The following SLC39A11 variants were observed in gnomAD, a reference collection of about 807,000 sequenced individuals.
SLC39A11 encodes the protein solute carrier family 39 member 11, also known as zinc transporter ZIP11.
In SLC39A11, 33 loss-of-function variants were observed where a neutral mutation model predicts 36.1. The ratio of observed to expected loss-of-function variants is 0.91; its 90% CI spans 0.69 to 1.22. SLC39A11 has a LOEUF of 1.22. Ranked by LOEUF, SLC39A11 falls within the 50% of genes most tolerant of loss-of-function variation. SLC39A11 has a pLI of 0.00. For missense variants in SLC39A11, 432 were observed against 430.3 expected, an observed-to-expected ratio of 1.00 and a Z score of -0.03; for synonymous variants, 166 against 170.3, an observed-to-expected ratio of 0.97 and a Z score of 0.20.
intron 6 of SLC39A11, among the ~76,000 whole-genome samples, chr17:72,801,537 A>T (rs1429137273): frequency 6.6e-6 from 1 of 152,242 alleles, no homozygotes; most frequent in Non-Finnish European, 1.5e-5. Flanking sequence ...GGGCAATGAA[A>T]TATTCTTAAA....
At chr17:72,800,029 G>C (rs1275071416) in intron 6 of SLC39A11, among the ~76,000 whole-genome samples, 1 of 151,802 alleles carries the variant, frequency 6.6e-6, no homozygotes, top group Admixed American at 6.6e-5. Flanking sequence ...TCCTCTCTTT[G>C]TACTGTCTCT....
chr17:72,872,574 T>C (rs1050405258), intron 5 of SLC39A11, among the ~76,000 whole-genome samples: 2 of 152,192 alleles, frequency 1.3e-5, no homozygotes, highest in African/African-American at 2.4e-5. Flanking sequence ...ACATAGCTGA[T>C]CCATCTTGCT....
chr17:73,068,324 T>C, intron 3 of SLC39A11: 1 of 578,778 alleles, frequency 1.7e-6, no homozygotes, highest in Non-Finnish European at 3.1e-6. Flanking sequence ...TTTCTTGTTT[T>C]AGCCACTATG....
intron 6 of SLC39A11, among the ~76,000 whole-genome samples, chr17:72,777,153 T>C (rs1024796624): frequency 8.6e-5 from 13 of 151,990 alleles, no homozygotes; most frequent in Non-Finnish European, 2.9e-5. Context: ...AAAACAACAA[T>C]AACAAATCCC....
At chr17:72,871,304 C>T (rs1281151359) in intron 5 of SLC39A11, among the ~76,000 whole-genome samples, 1 of 152,034 alleles carries the variant, frequency 6.6e-6, no homozygotes, top group Non-Finnish European at 1.5e-5. Context: ...TCAGGCAATC[C>T]ACCCACCTCA....
At chr17:72,814,802 G>T (rs2077532663) in intron 6 of SLC39A11, among the ~76,000 whole-genome samples, 1 of 152,196 alleles carries the variant, frequency 6.6e-6, no homozygotes, top group Non-Finnish European at 1.5e-5. Flanking sequence ...ATATTTCCAT[G>T]AAGAGGCTCT....
In SLC39A11 at chr17:72,669,464, C is replaced by T. The variant is rs114208939; in HGVS notation, c.672-20196G>A. Reference sequence around the variant, plus strand: ...GCCAGCTATTTTGTAGAATGTCTCTCAAATTTGGGTTTCTCTGATATTTTC... The same window carrying T: ...GCCAGCTATTTTGTAGAATGTCTCTTAAATTTGGGTTTCTCTGATATTTTC... On this transcript the variant is annotated intron_variant, in intron 7 of 9. Transcript: ENST00000255559. Among the ~76,000 whole-genome samples the T allele has an allele frequency of 4.9e-3, 751 of 152,276 alleles. 11 individuals carry two copies. Among genetic ancestry groups the T allele is most frequent in the African/African-American group, 0.017 (717 of 41,568 alleles).
At chr17:72,856,961 G>C (rs571714502) in intron 5 of SLC39A11, among the ~76,000 whole-genome samples, 1 of 152,204 alleles carries the variant, frequency 6.6e-6, no homozygotes, top group Non-Finnish European at 1.5e-5. Flanking sequence ...GATTACAGGC[G>C]TAAGCCACCA....
intron 7 of SLC39A11, among the ~76,000 whole-genome samples, chr17:72,651,209 T>C (rs753791044): frequency 2.6e-5 from 4 of 152,116 alleles, no homozygotes; most frequent in Non-Finnish European, 4.4e-5. Context: ...AAGATTACAA[T>C]GAGCCCCTCA....
chr17:72,809,880 G>A (rs2077379287), intron 6 of SLC39A11, among the ~76,000 whole-genome samples: 1 of 151,922 alleles, frequency 6.6e-6, no homozygotes, highest in Non-Finnish European at 1.5e-5. Flanking sequence ...GACCAGCCTG[G>A]CCAACATGAA....
At chr17:72,879,776 C>T (rs1469618348) in intron 5 of SLC39A11, among the ~76,000 whole-genome samples, 2 of 152,222 alleles carry the variant, frequency 1.3e-5, no homozygotes, top group Admixed American at 1.3e-4. Flanking sequence ...ATCTCTCACC[C>T]TAGACCTTTT....
At chr17:72,890,902 A>G (rs1410361189) in intron 5 of SLC39A11, among the ~76,000 whole-genome samples, 1 of 152,162 alleles carries the variant, frequency 6.6e-6, no homozygotes, top group Non-Finnish European at 1.5e-5. Context: ...GAAGGATGAG[A>G]ATGATTAAGC....
chr17:72,773,934 T>C (rs1369594802), intron 6 of SLC39A11, among the ~76,000 whole-genome samples: 1 of 152,198 alleles, frequency 6.6e-6, no homozygotes, highest in Non-Finnish European at 1.5e-5. Context: ...CAGATGAGCC[T>C]GGACTGGGAA....
At chr17:72,799,969 C>T (rs558687811) in intron 6 of SLC39A11, among the ~76,000 whole-genome samples, 2 of 152,198 alleles carry the variant, frequency 1.3e-5, no homozygotes, top group African/African-American at 4.8e-5. Flanking sequence ...AGGCGGGCAT[C>T]ACGGTCCTAC....
chr17:72,912,572 G>GGA, intron 5 of SLC39A11, among the ~76,000 whole-genome samples: 1 of 102,402 alleles, frequency 9.8e-6, no homozygotes, highest in Non-Finnish European at 2.1e-5. Flanking sequence ...AGAGCTGGGA[G>GGA]CCTGCCACCA....
At chr17:72,777,492 A>G (rs987838132) in intron 6 of SLC39A11, among the ~76,000 whole-genome samples, 1 of 152,186 alleles carries the variant, frequency 6.6e-6, no homozygotes, top group African/African-American at 2.4e-5. Context: ...GAGTGTCCCT[A>G]TAAAAAACGA....
At chr17:72,682,645 T>C (rs917409629) in intron 7 of SLC39A11, among the ~76,000 whole-genome samples, 2 of 152,202 alleles carry the variant, frequency 1.3e-5, no homozygotes, top group African/African-American at 4.8e-5. Flanking sequence ...AGAAACTCAC[T>C]GACCCCCACA....
chr17:72,670,480 G>A (rs1326237646), intron 7 of SLC39A11, among the ~76,000 whole-genome samples: 1 of 151,988 alleles, frequency 6.6e-6, no homozygotes, highest in East Asian at 1.9e-4. Context: ...GTATTCTAGT[G>A]AGGGCTTTCC....
At chr17:72,737,871 G>C (rs1317708617) in intron 6 of SLC39A11, among the ~76,000 whole-genome samples, 2 of 152,094 alleles carry the variant, frequency 1.3e-5, no homozygotes, top group East Asian at 3.9e-4. Context: ...CCCTCTCTGG[G>C]GCTGGGAAAG....
Sources: allele counts gnomAD v4.1 joint callset (sites outside exome capture counted in the v4.1 genomes callset), GRCh38; gene constraint gnomAD v4.1.1; transcripts MANE v1.5; gene names NCBI Gene and HGNC (gene_info 2026-07-23, HGNC 2026-07-21).